CACNA2D3: variants seen among roughly 807,000 people sequenced by gnomAD.
CACNA2D3 encodes the protein voltage-dependent calcium channel subunit alpha-2/delta-3.
CACNA2D3 carries 60 observed loss-of-function variants against 160.6 expected under a neutral mutation model. That is an observed-to-expected ratio of 0.37 (90% CI 0.30 to 0.46). The LOEUF is 0.46. Among genes scored for constraint, CACNA2D3 ranks in the 20% least tolerant of loss-of-function variants. The pLI is 1.00. For synonymous variants in CACNA2D3, 558 were observed against 492.9 expected, an observed-to-expected ratio of 1.13 and a Z score of -1.75; for missense variants, 1,205 against 1,365.0, an observed-to-expected ratio of 0.88 and a Z score of 1.85.
intron 2 of CACNA2D3, among the ~76,000 whole-genome samples, chr3:54,272,050 G>C (rs952287671): frequency 2.0e-5 from 3 of 152,148 alleles, no homozygotes; most frequent in Admixed American, 6.5e-5. Flanking sequence ...AGGGAAGAGA[G>C]GACTGGAAGT....
chr3:54,899,148 A>G (rs1034957285), intron 26 of CACNA2D3, among the ~76,000 whole-genome samples: 1 of 152,212 alleles, frequency 6.6e-6, no homozygotes, highest in Admixed American at 6.5e-5. Flanking sequence ...GGCATTCAGA[A>G]TTTGTGCTCA....
intron 35 of CACNA2D3, among the ~76,000 whole-genome samples, chr3:55,020,618 G>C (rs1349885316): frequency 6.6e-6 from 1 of 151,992 alleles, no homozygotes; most frequent in Non-Finnish European, 1.5e-5. Context: ...GGGAGGCCAA[G>C]GCGGGTGTAT....
intron 5 of CACNA2D3, among the ~76,000 whole-genome samples, chr3:54,554,899 A>C (rs1485942957): frequency 1.2e-5 from 1 of 85,020 alleles, no homozygotes; most frequent in Non-Finnish European, 2.2e-5. Context: ...TTTGGAGACA[A>C]GGTCTCACTC....
chr3:54,464,035 A>T (rs906008166), intron 4 of CACNA2D3, among the ~76,000 whole-genome samples: 10 of 152,118 alleles, frequency 6.6e-5, no homozygotes, highest in African/African-American at 2.4e-4. Context: ...CTAGAGGTGC[A>T]CTCCAGACCC....
chr3:54,436,362 C>T (rs898016304), intron 4 of CACNA2D3, among the ~76,000 whole-genome samples: 5 of 152,212 alleles, frequency 3.3e-5, no homozygotes, highest in African/African-American at 1.2e-4. Flanking sequence ...TTGTGGAAGA[C>T]AGTGTGGTTA....
At chr3:54,221,836 TA>T (rs920111786) in intron 2 of CACNA2D3, among the ~76,000 whole-genome samples, 27 of 152,294 alleles carry the variant, frequency 1.8e-4, no homozygotes, top group African/African-American at 6.3e-4. Context: ...AGTTACTTTT[TA>T]TTTTTTTTTC....
At chr3:54,525,261 G>A (rs750295588) in intron 5 of CACNA2D3, among the ~76,000 whole-genome samples, 5 of 151,960 alleles carry the variant, frequency 3.3e-5, no homozygotes, top group Non-Finnish European at 7.4e-5. Context: ...CCTTCATGCC[G>A]TTTTTGGCAA....
intron 11 of CACNA2D3, among the ~76,000 whole-genome samples, chr3:54,658,777 C>T (rs919138099): frequency 3.9e-5 from 6 of 151,906 alleles, no homozygotes; most frequent in African/African-American, 1.5e-4. Context: ...AAAGATCCCC[C>T]CAAACCTCCA....
intron 2 of CACNA2D3, among the ~76,000 whole-genome samples, chr3:54,276,052 C>T (rs920996051): frequency 1.3e-5 from 2 of 152,104 alleles, no homozygotes; most frequent in African/African-American, 4.8e-5. Context: ...TATTAAAAAT[C>T]AGGGTTGGAT....
rs189262439 is a variant in CACNA2D3, at chr3:54,352,059, C to T, written c.321+31501C>T. 1.3e-3 allele frequency among the ~76,000 whole-genome samples: 197 copies of T among 152,282 alleles called. 1 individual carries two copies. Among genetic ancestry groups the T allele is most frequent in the Non-Finnish European group, 1.2e-3 (79 of 68,020 alleles). ...TACTGCATGGATACGTGGATACATA[C>T]GCTTGTGTTATTTCCCCAGGTGATG... On this transcript the variant is annotated intron_variant, in intron 3 of 37. Transcript: ENST00000474759.
intron 3 of CACNA2D3, among the ~76,000 whole-genome samples, chr3:54,322,588 CTGTATCTGTGTAAGGTGTT>C (rs1273774949): frequency 1.3e-5 from 2 of 152,198 alleles, no homozygotes; most frequent in African/African-American, 4.8e-5. Flanking sequence ...TGCAGTACCT[CTGTATCTGTGTAAGGTGTT>C]TATTTAGCTC....
intron 34 of CACNA2D3, among the ~76,000 whole-genome samples, chr3:55,009,650 C>G (rs754541829): frequency 6.6e-6 from 1 of 152,150 alleles, no homozygotes; most frequent in Admixed American, 6.5e-5. Context: ...ATTCAGCCCA[C>G]GTTGAATGTA....
At chr3:54,579,545 G>T (rs1463890571) in intron 8 of CACNA2D3, among the ~76,000 whole-genome samples, 1 of 152,216 alleles carries the variant, frequency 6.6e-6, no homozygotes, top group Non-Finnish European at 1.5e-5. Flanking sequence ...GCCCCTAGCT[G>T]CAGGGCAGCC....
intron 9 of CACNA2D3, among the ~76,000 whole-genome samples, chr3:54,589,335 A>G (rs1223663259): frequency 6.6e-6 from 1 of 152,128 alleles, no homozygotes; most frequent in Non-Finnish European, 1.5e-5. Context: ...AAACAAACAA[A>G]AAACAACAAA....
At chr3:54,554,173 AG>A (rs34812520) in intron 5 of CACNA2D3, among the ~76,000 whole-genome samples, 75,476 of 151,836 alleles carry the variant, frequency 0.5, 18,988 homozygotes, top group Middle Eastern at 0.57. Flanking sequence ...GACCTCTGGG[AG>A]GGTCATCTTT....
intron 2 of CACNA2D3, among the ~76,000 whole-genome samples, chr3:54,299,742 G>C (rs934905137): frequency 5.3e-5 from 8 of 152,154 alleles, no homozygotes; most frequent in African/African-American, 1.9e-4. Flanking sequence ...CGTCCCCCGG[G>C]GAAAAGGATT....
At chr3:54,148,502 G>A (rs1404222517) in intron 2 of CACNA2D3, among the ~76,000 whole-genome samples, 2 of 152,332 alleles carry the variant, frequency 1.3e-5, no homozygotes, top group Non-Finnish European at 2.9e-5. Flanking sequence ...TGTGGCAGGG[G>A]GTTGGGGTTT....
At chr3:54,524,126 A>G (rs150463569) in intron 5 of CACNA2D3, among the ~76,000 whole-genome samples, 80 of 152,164 alleles carry the variant, frequency 5.3e-4, no homozygotes, top group African/African-American at 1.1e-3. Flanking sequence ...CTTTCTTAAT[A>G]GAGGCATTTG....
intron 2 of CACNA2D3, among the ~76,000 whole-genome samples, chr3:54,207,869 A>C (rs533947902): frequency 1.1e-3 from 174 of 152,024 alleles, no homozygotes; most frequent in Non-Finnish European, 2.1e-3. Flanking sequence ...CGGTGCATCT[A>C]TTCTCATGAC....
Sources: gnomAD v4.1 joint callset for allele counts (sites outside exome capture counted in the v4.1 genomes callset) on GRCh38, gnomAD v4.1.1 for gene constraint, MANE v1.5 for transcripts, NCBI Gene and HGNC (gene_info 2026-07-23, HGNC 2026-07-21) for gene names.